The following RNF17 variants were observed in gnomAD, a reference collection of about 807,000 sequenced individuals.
The protein encoded by RNF17 is spermatogenesis associated 23.
Under a neutral mutation model 200.5 loss-of-function variants are expected in RNF17, and 31 were observed. The observed-to-expected ratio is 0.15, with a 90% CI of 0.12 to 0.21. The LOEUF (loss-of-function observed/expected upper bound fraction) is 0.21, where lower values mean the gene tolerates loss of function less well. Among genes scored for constraint, RNF17 ranks in the 10% least tolerant of loss-of-function variants. RNF17 has a pLI of 1.00. For missense variants in RNF17, 1,628 were observed against 1,905.1 expected, an observed-to-expected ratio of 0.85 and a Z score of 2.71; for synonymous variants, 606 against 637.8, an observed-to-expected ratio of 0.95 and a Z score of 0.75.
chr13:24,787,800 G>T (rs1883316114), intron 6 of RNF17, among the ~76,000 whole-genome samples, 188 bp from the exon 7 acceptor site: 1 of 152,052 alleles, frequency 6.6e-6, no homozygotes, highest in Non-Finnish European at 1.5e-5. Context: ...CATTTACCAT[G>T]TTATATGTTA....
At chr13:24,884,238 T>C, downstream of RNF17, 2 of 1,614,162 alleles carry the variant, frequency 1.2e-6, no homozygotes, top group Non-Finnish European at 1.7e-6. Flanking sequence ...AGCTGCATAG[T>C]AGTAGATCTG....
At chr13:24,751,928 A>C in the RNF17 span, 3 of 152,250 alleles carry the variant, frequency 2.0e-5, no homozygotes, top group Non-Finnish European at 4.4e-5. Context: ...CTAACGAGCC[A>C]TAATGTACAG....
chr13:24,753,986 C>T, the RNF17 span, among the ~76,000 whole-genome samples: 4 of 151,740 alleles, frequency 2.6e-5, no homozygotes, highest in East Asian at 3.9e-4. Context: ...GTAAAACCCC[C>T]GACTCTACTA....
upstream of RNF17, among the ~76,000 whole-genome samples, chr13:24,762,203 A>G (rs1358512056): frequency 6.6e-6 from 1 of 151,956 alleles, no homozygotes; most frequent in Non-Finnish European, 1.5e-5. Flanking sequence ...AACCCAGTCA[A>G]TACTAAAATA....
At chr13:24,833,719 C>T (rs1358432018) in intron 18 of RNF17, among the ~76,000 whole-genome samples, 1 of 151,974 alleles carries the variant, frequency 6.6e-6, no homozygotes, top group Non-Finnish European at 1.5e-5. Flanking sequence ...AAGGCCTTGC[C>T]CAACCAAAAC....
intron 18 of RNF17, among the ~76,000 whole-genome samples, chr13:24,840,614 G>A (rs1038536668): frequency 2.6e-5 from 4 of 152,102 alleles, no homozygotes; most frequent in Admixed American, 1.3e-4. Flanking sequence ...ACTTGGATGA[G>A]ATTGGAGACT....
intron 30 of RNF17, 131 bp from the exon 31 acceptor site, chr13:24,868,469 C>CAA (rs71186854): frequency 0.011 from 2,150 of 199,806 alleles, 2 homozygotes; most frequent in East Asian, 0.015. Context: ...GACTCCGTCT[C>CAA]AAAAAAAAAA....
chr13:24,858,623 C>G (rs1593452788), intron 25 of RNF17, among the ~76,000 whole-genome samples: 1 of 145,302 alleles, frequency 6.9e-6, no homozygotes, highest in Non-Finnish European at 1.5e-5. Flanking sequence ...GGCCAATTAG[C>G]AATAAAAGCA....
intron 15 of RNF17, among the ~76,000 whole-genome samples, chr13:24,822,508 AC>A (rs1307691293): frequency 2.0e-5 from 3 of 151,326 alleles, no homozygotes; most frequent in East Asian, 3.9e-4. Flanking sequence ...TGCAACGTGC[AC>A]CTCCCAGGTT....
chr13:24,810,661 TGTGTGAATTTGA>T (rs1381986265), intron 15 of RNF17, among the ~76,000 whole-genome samples: 1 of 146,176 alleles, frequency 6.8e-6, no homozygotes, highest in Non-Finnish European at 1.5e-5. Context: ...AATATTGTTA[TGTGTGAATTTGA>T]TCCTGTCATT....
chr13:24,803,931 T>C (rs12184824), intron 14 of RNF17: 35,046 of 222,112 alleles, frequency 0.16, 3,183 homozygotes, highest in South Asian at 0.3. Flanking sequence ...AGTCAGTACA[T>C]GTACAAGTCC....
chr13:24,762,277 G>A (rs138714880), upstream of RNF17, among the ~76,000 whole-genome samples: 250 of 150,804 alleles, frequency 1.7e-3, no homozygotes, highest in African/African-American at 5.9e-3. Context: ...GGCTGAGACA[G>A]GAGAATTGCT....
intron 18 of RNF17, 103 bp from the exon 19 acceptor site, chr13:24,841,938 C>G: frequency 1.0e-6 from 1 of 952,646 alleles, no homozygotes; most frequent in Non-Finnish European, 1.5e-6. Context: ...TGCACTCCAG[C>G]CTGGGCGACA....
chr13:24,835,259 A>G (rs1340733875), intron 18 of RNF17, among the ~76,000 whole-genome samples: 1 of 151,990 alleles, frequency 6.6e-6, no homozygotes, highest in Non-Finnish European at 1.5e-5. Context: ...CTGAAGAGAA[A>G]GGGCATATTA....
intron 27 of RNF17, among the ~76,000 whole-genome samples, chr13:24,862,058 T>G (rs1203922366): frequency 6.6e-6 from 1 of 152,206 alleles, no homozygotes; most frequent in Admixed American, 6.5e-5. Context: ...CATCAGTTCT[T>G]GTGAGAACTC....
chr13:24,783,897 A>G (rs906328980), intron 6 of RNF17, among the ~76,000 whole-genome samples: 2 of 152,220 alleles, frequency 1.3e-5, no homozygotes, highest in Admixed American at 1.3e-4. Context: ...CTTTGGCTAG[A>G]ACTTTCATTA....
rs745679032 is a variant in RNF17, at chr13:24,800,554, T to C, written c.1758+20T>C. The C allele has an allele frequency of 3.7e-6, 6 of 1,605,346 alleles. No individual in the cohort carries two copies. The East Asian group carries it at 1.3e-4, about 36-fold the overall frequency. ...AATTCAGTAAGTGAGACTTTAATTA[T>C]TTTTTCCTTCAGAGGTTATTACAAT... is the stretch of plus-strand genomic sequence containing the variant. On this transcript the variant is annotated intron_variant, in intron 13 of 35. Coordinates refer to ENST00000255324, the MANE Select transcript of RNF17 (RefSeq NM_031277.3).
chr13:24,802,360 G>C lies in RNF17; in HGVS notation c.1759-21G>C, dbSNP rs1345371217. The C allele has an allele frequency of 1.9e-6, 3 of 1,579,978 alleles. No individual in the cohort carries two copies. The African/African-American group carries it at 4.1e-5, about 22-fold the overall frequency. ...GCGATACTTACAATTAATTACTATG[G>C]AATTTTACTTTCTTGCACAGAATGA... On this transcript the variant is annotated intron_variant, in intron 13 of 35. Coordinates refer to ENST00000255324, the MANE Select transcript of RNF17 (RefSeq NM_031277.3).
Position 24,793,119 on chromosome 13 carries a change from A to G in RNF17, c.1013A>G (p.Asp338Gly). 6.2e-7 allele frequency: 1 copy of G among 1,613,146 alleles called. No individual in the cohort carries two copies. The highest frequency in any genetic ancestry group is 8.5e-7 in the Non-Finnish European group (1 of 1,179,356). ...YNNKKELSCY[D>G]TYPPLEKKKV... ...AACAAAAAGGAACTTTCTTGTTACG[A>G]TACATACCCACCGCTAGAAAAGAAA... The change falls in exon 10 of 36, where the codon GAT (aspartate) becomes GGT (glycine). Residue 338 changes from aspartate (D) to glycine (G), a missense_variant. Physicochemically the swap from Asp to Gly is moderately conservative, Grantham distance 94. Coordinates refer to ENST00000255324, the MANE Select transcript of RNF17 (RefSeq NM_031277.3).
Sources: allele counts gnomAD v4.1 joint callset (sites outside exome capture counted in the v4.1 genomes callset), GRCh38; gene constraint gnomAD v4.1.1; transcripts MANE v1.5; gene names NCBI Gene and HGNC (gene_info 2026-07-23, HGNC 2026-07-21).